RADX: variants seen among roughly 807,000 people sequenced by gnomAD.
RADX encodes the protein RPA1 related single stranded DNA binding protein, X-linked, also known as RPA-related protein RADX.
RADX carries 36 observed loss-of-function variants against 61.6 expected under a neutral mutation model. The ratio of observed to expected loss-of-function variants is 0.58; its 90% CI spans 0.45 to 0.77. RADX has a LOEUF of 0.77. Among genes scored for constraint, RADX ranks in the 30% least tolerant of loss-of-function variants. The probability of loss-of-function intolerance (pLI) is 0.00; values close to 1 mark genes in which losing one functional copy is unlikely to be tolerated. For synonymous variants in RADX, 272 were observed against 237.9 expected (o/e 1.14, Z -1.32); for missense variants, 497 against 651.1 (o/e 0.76, Z 2.58).
At chrX:106,643,884 A>G (rs1927590909) in intron 10 of RADX, among the ~76,000 whole-genome samples, 1 of 111,424 alleles carries the variant, frequency 9.0e-6, no homozygotes, top group Non-Finnish European at 1.9e-5. Context: ...AGACATTGTA[A>G]TAAATTGATT....
intron 12 of RADX, among the ~76,000 whole-genome samples, chrX:106,668,002 T>C (rs1167914940): frequency 7.1e-5 from 8 of 112,201 alleles, no homozygotes; most frequent in African/African-American, 2.3e-4. Context: ...ATGCTTCTTA[T>C]AATACTGAAT....
chrX:106,666,845 T>C (rs1928239453), intron 12 of RADX, among the ~76,000 whole-genome samples: 1 of 112,458 alleles, frequency 8.9e-6, no homozygotes, highest in African/African-American at 3.2e-5. Flanking sequence ...TTGTACAGGA[T>C]ATTTGTGTTC....
At chrX:106,636,677 A>G (rs759346080) in intron 7 of RADX, 30 bp downstream of exon 7, 18 of 852,467 alleles carry the variant, frequency 2.1e-5, no homozygotes, top group Non-Finnish European at 3.1e-5. Context: ...ATATTATTAG[A>G]AATATATTTT....
At position 106,640,659 on chromosome X, in the gene RADX, T is replaced by C. The variant is rs16985946; in HGVS notation, c.1842T>C (p.Thr614=). Residue 614 remains threonine, a synonymous_variant, in exon 10 of 14, where the codon ACT becomes ACC. Coordinates refer to ENST00000372548, the MANE Select transcript of RADX (RefSeq NM_018015.6). ...CTGTGAATTCTCAGTATTTCCAAAC[T>C]ACATCTACAAATTTAAGTCTGAGCA... ...DEPVNSQYFQ[T]TSTNLSLSNK... is the part of the protein sequence containing the mutation. 2.1e-4 allele frequency: 248 copies of C among 1,196,443 alleles called. 1 individual carries two copies. The East Asian group carries it at 6.6e-3, about 32-fold the overall frequency.
chrX:106,665,909 A>G (rs1323840237), intron 12 of RADX, among the ~76,000 whole-genome samples: 3 of 111,456 alleles, frequency 2.7e-5, no homozygotes, highest in Non-Finnish European at 3.8e-5. Flanking sequence ...CCAGCTTGGT[A>G]CCATGGCAAT....
intron 11 of RADX, among the ~76,000 whole-genome samples, chrX:106,650,850 A>ATC (rs1927776893): frequency 1.8e-5 from 2 of 112,043 alleles, no homozygotes; most frequent in South Asian, 7.4e-4. Context: ...AATAATAGAT[A>ATC]AATGCAGATG....
intron 3 of RADX, among the ~76,000 whole-genome samples, chrX:106,630,656 T>G (rs765322555): frequency 9.0e-6 from 1 of 110,971 alleles, no homozygotes; most frequent in Admixed American, 9.6e-5. Context: ...ACCAAACTAA[T>G]GCAGGAACAA....
intron 11 of RADX, among the ~76,000 whole-genome samples, chrX:106,651,634 A>T (rs1927794613): frequency 9.0e-6 from 1 of 111,725 alleles, no homozygotes; most frequent in Admixed American, 9.6e-5. Context: ...AATACTATTT[A>T]AGGTGAAATG....
intron 3 of RADX, among the ~76,000 whole-genome samples, chrX:106,630,936 G>A (rs1345620759): frequency 6.3e-5 from 7 of 111,902 alleles, no homozygotes; most frequent in African/African-American, 2.3e-4. Context: ...AAAATTAAAA[G>A]TAATAAGATA....
In RADX at chrX:106,658,220, G is replaced by T. The variant is rs186921292; in HGVS notation, c.1979-3795G>T. Among the ~76,000 whole-genome samples, 131 of 111,917 alleles carry T rather than the reference G, an allele frequency of 1.2e-3. 1 individual carries two copies. The highest frequency in any genetic ancestry group is 4.1e-3 in the African/African-American group (128 of 30,899). ...AACTTGAGTGTCTACACTTATATCA[G>T]AAAAGTAGATTTCTGATACAATCAA... is the stretch of plus-strand genomic sequence containing the variant. On this transcript the variant is annotated intron_variant, in intron 11 of 13. Transcript: ENST00000372548.
Position 106,612,432 on chromosome X carries a change from G to T in RADX, c.352G>T (p.Val118Leu). 1.7e-6 allele frequency: 2 copies of T among 1,211,487 alleles called. No individual in the cohort carries two copies. Among genetic ancestry groups the T allele is most frequent in the South Asian group, 1.8e-5 (1 of 56,962 alleles). The part of the protein sequence containing the change: ...CYLDPSLNSL[V>L]YQNILKVGIQ... ...CCTGGACCCCAGCTTGAACTCTCTCGTATATCAAAATATTCTTAAAGTTGG... is the reference window on the plus strand; with the variant it reads ...CCTGGACCCCAGCTTGAACTCTCTCTTATATCAAAATATTCTTAAAGTTGG... The change falls in exon 1 of 14, where the codon GTA (valine) becomes TTA (leucine). Residue 118 changes from valine (V) to leucine (L), a missense_variant. Physicochemically the swap from Val to Leu is conservative, Grantham distance 32 (BLOSUM62 1). Coordinates refer to ENST00000372548, the MANE Select transcript of RADX (RefSeq NM_018015.6).
chrX:106,623,825 A>G (rs767954653), intron 2 of RADX, among the ~76,000 whole-genome samples: 1 of 111,682 alleles, frequency 9.0e-6, no homozygotes, highest in Non-Finnish European at 1.9e-5. Context: ...TTCTTCATCC[A>G]TAATACTTTA....
intron 1 of RADX, among the ~76,000 whole-genome samples, chrX:106,618,601 C>T (rs1251931957): frequency 9.0e-6 from 1 of 110,576 alleles, no homozygotes; most frequent in Non-Finnish European, 1.9e-5. Flanking sequence ...TCCAGACCAG[C>T]CTAGACCAGC....
chrX:106,640,299 A>G (rs1242755546), intron 9 of RADX, among the ~76,000 whole-genome samples: 1 of 111,488 alleles, frequency 9.0e-6, no homozygotes, highest in East Asian at 2.8e-4. Flanking sequence ...GACTACTACT[A>G]TTTATATGGA....
chrX:106,627,247 G>T (rs148902152), intron 3 of RADX, among the ~76,000 whole-genome samples: 2,301 of 111,579 alleles, frequency 0.021, 61 homozygotes, highest in African/African-American at 0.07. Context: ...TGATCCCAAA[G>T]GTACAGTCAA....
At position 106,678,125 on chromosome X, in the gene RADX, T is replaced by C; in HGVS notation, c.2438-3T>C. ...GTACTTACCATCTGCTTTTTACTTT[T>C]AGGTGATATTATAAAAGCAGCAACT... is the stretch of plus-strand genomic sequence containing the variant. On this transcript the variant is annotated splice_region_variant and splice_polypyrimidine_tract_variant and intron_variant, in intron 13 of 13. Transcript: ENST00000372548. The C allele has an allele frequency of 8.6e-7, 1 of 1,160,560 alleles. No individual in the cohort carries two copies. The highest frequency in any genetic ancestry group is 1.2e-6 in the Non-Finnish European group (1 of 854,159).
At chrX:106,662,333 A>G (rs1928122158) in intron 12 of RADX, 28 bp downstream of exon 12, 1 of 1,135,002 alleles carries the variant, frequency 8.8e-7, no homozygotes, top group East Asian at 3.0e-5. Flanking sequence ...TTTGCATATC[A>G]TTAATTTAAC....
At position 106,626,279 on chromosome X, in the gene RADX, G is replaced by A. The variant is rs543362952; in HGVS notation, c.979+997G>A. Among the ~76,000 whole-genome samples, 16 of 111,675 alleles carry A rather than the reference G, an allele frequency of 1.4e-4. 1 individual carries two copies. Among genetic ancestry groups the A allele is most frequent in the African/African-American group, 4.9e-4 (15 of 30,800 alleles). On this transcript the variant is annotated intron_variant, in intron 3 of 13. Transcript: ENST00000372548. ...AATCCATTAAGCTTAATTACTTAGA[G>A]AATATTCAGATAAAGGTAGCAGTTG...
chrX:106,662,542 A>G (rs1928125625), intron 12 of RADX, among the ~76,000 whole-genome samples: 1 of 110,089 alleles, frequency 9.1e-6, no homozygotes. Flanking sequence ...TGGGAGAACT[A>G]AGGGAATTTT....
Sources: gnomAD v4.1 joint callset for allele counts (sites outside exome capture counted in the v4.1 genomes callset) on GRCh38, gnomAD v4.1.1 for gene constraint, MANE v1.5 for transcripts, NCBI Gene and HGNC (gene_info 2026-07-23, HGNC 2026-07-21) for gene names.